The following SLC9A9 variants were observed in gnomAD, a reference collection of about 807,000 sequenced individuals.
The protein encoded by SLC9A9 is sodium/hydrogen exchanger 9.
SLC9A9 carries 62 observed loss-of-function variants against 77.8 expected under a neutral mutation model. That is an observed-to-expected ratio of 0.80 (90% CI 0.65 to 0.98). SLC9A9 has a LOEUF of 0.98. SLC9A9 is among the 50% of genes least tolerant of loss of function. The pLI is 0.00. For missense variants in SLC9A9, 775 were observed against 774.9 expected (o/e 1.00, Z 0.00); for synonymous variants, 320 against 283.5 (o/e 1.13, Z -1.29).
intron 5 of SLC9A9, among the ~76,000 whole-genome samples, chr3:143,664,814 G>A (rs1036115747): frequency 2.0e-5 from 3 of 152,182 alleles, no homozygotes; most frequent in Admixed American, 2.0e-4. Flanking sequence ...ACCCAATACA[G>A]GGGCACCCAG....
At chr3:143,759,098 G>C (rs907672332) in intron 4 of SLC9A9, among the ~76,000 whole-genome samples, 2 of 152,130 alleles carry the variant, frequency 1.3e-5, no homozygotes, top group African/African-American at 4.8e-5. Flanking sequence ...TAAATAACTT[G>C]TCTGAAGTCT....
intron 4 of SLC9A9, among the ~76,000 whole-genome samples, chr3:143,715,152 A>T (rs1005242122): frequency 2.6e-5 from 4 of 152,154 alleles, no homozygotes; most frequent in African/African-American, 4.8e-5. Flanking sequence ...GTCTTGGCTA[A>T]GTCTTTATCA....
intron 4 of SLC9A9, among the ~76,000 whole-genome samples, chr3:143,773,399 G>C (rs2007590884): frequency 6.6e-6 from 1 of 151,884 alleles, no homozygotes; most frequent in South Asian, 2.1e-4. Flanking sequence ...GAAAAAAATT[G>C]GGAAGCTATG....
intron 6 of SLC9A9, among the ~76,000 whole-genome samples, chr3:143,619,301 C>A (rs780307489): frequency 3.3e-5 from 5 of 152,130 alleles, no homozygotes; most frequent in Non-Finnish European, 7.3e-5. Flanking sequence ...ATGTTCTAAG[C>A]AGAGTAATTT....
intron 9 of SLC9A9, among the ~76,000 whole-genome samples, chr3:143,530,648 C>T (rs1455811205): frequency 6.8e-6 from 1 of 146,934 alleles, no homozygotes; most frequent in Non-Finnish European, 1.5e-5. Flanking sequence ...AAAAACAAAA[C>T]AAAACAAAAC....
intron 14 of SLC9A9, among the ~76,000 whole-genome samples, chr3:143,351,500 C>T (rs868456218): frequency 6.6e-5 from 10 of 152,158 alleles, no homozygotes; most frequent in Non-Finnish European, 1.3e-4. Context: ...TGGAGAGCAT[C>T]AACTTCTGTT....
chr3:143,391,304 G>A (rs557483842), intron 12 of SLC9A9, among the ~76,000 whole-genome samples: 16 of 152,366 alleles, frequency 1.1e-4, no homozygotes, highest in Non-Finnish European at 1.9e-4. Context: ...AATATTTGCT[G>A]TTCTGCAGCC....
rs566457096 is a variant in SLC9A9, at chr3:143,742,197, G to T, written c.534-48890C>A. Among the ~76,000 whole-genome samples the T allele has an allele frequency of 1.1e-4, 16 of 152,036 alleles. 1 individual carries two copies. Among genetic ancestry groups the T allele is most frequent in the African/African-American group, 3.9e-4 (16 of 41,494 alleles). On this transcript the variant is annotated intron_variant, in intron 4 of 15. Coordinates refer to ENST00000316549, the MANE Select transcript of SLC9A9 (RefSeq NM_173653.4). Reference sequence around the variant, plus strand: ...GGGGCCCTACCCAGGAACTGACTCAGCTCAAGAAGACAGTTCGAACTCCCT... The same window carrying T: ...GGGGCCCTACCCAGGAACTGACTCATCTCAAGAAGACAGTTCGAACTCCCT...
chr3:143,671,560 A>G (rs1467987201), intron 5 of SLC9A9, among the ~76,000 whole-genome samples: 1 of 152,220 alleles, frequency 6.6e-6, no homozygotes, highest in Non-Finnish European at 1.5e-5. Flanking sequence ...GAGTCAAACA[A>G]TATAAATCAA....
At chr3:143,325,713 C>T (rs2031574936) in intron 14 of SLC9A9, among the ~76,000 whole-genome samples, 1 of 152,226 alleles carries the variant, frequency 6.6e-6, no homozygotes, top group Admixed American at 6.5e-5. Flanking sequence ...CTTTGGACCT[C>T]ATGCTGGTCA....
chr3:143,495,735 T>C lies in SLC9A9; in HGVS notation c.1090-287A>G, dbSNP rs543786269. The stretch of plus-strand genomic sequence containing the variant: ...TTCCATGGAACAATTCCTACTAAGA[T>C]GACAAAATAGTCCCTGTAAAAGAAA... On this transcript the variant is annotated intron_variant, in intron 9 of 15. Coordinates refer to ENST00000316549, the MANE Select transcript of SLC9A9 (RefSeq NM_173653.4). 1.1e-4 allele frequency among the ~76,000 whole-genome samples: 17 copies of C among 152,290 alleles called. No homozygotes were observed. In the East Asian group the frequency reaches 3.1e-3, roughly 28 times the overall value.
At position 143,848,207 on chromosome 3, in the gene SLC9A9, C is replaced by T. The variant is rs1298420696; in HGVS notation, c.116G>A (p.Trp39Ter). 4.3e-6 allele frequency: 7 copies of T among 1,613,870 alleles called. No individual in the cohort carries two copies. The highest frequency in any genetic ancestry group is 5.9e-6 in the Non-Finnish European group (7 of 1,179,928). ...FLLILTILTI[W>*]LFKNHRFRFL... is the part of the protein sequence containing the mutation. The stretch of plus-strand genomic sequence containing the variant: ...GCGGAATCGATGATTTTTAAATAAC[C>T]AGATTGTCAAAATGGTAAGGATGAG... The change falls in exon 1 of 16, where the codon TGG (tryptophan) becomes TAG (stop). Residue 39 changes from tryptophan to a stop codon, truncating the protein, a stop_gained. Coordinates refer to ENST00000316549, the MANE Select transcript of SLC9A9 (RefSeq NM_173653.4). LOFTEE classifies it high-confidence loss of function.
chr3:143,641,269 A>C (rs550001588), intron 6 of SLC9A9, among the ~76,000 whole-genome samples: 157 of 152,126 alleles, frequency 1.0e-3, no homozygotes, highest in Non-Finnish European at 7.4e-5. Flanking sequence ...TTCCTAATAA[A>C]TAGGTATTTT....
At chr3:143,703,834 G>C (rs907868576) in intron 4 of SLC9A9, among the ~76,000 whole-genome samples, 1 of 151,980 alleles carries the variant, frequency 6.6e-6, no homozygotes, top group Non-Finnish European at 1.5e-5. Flanking sequence ...GAAAAAAAGA[G>C]AATGAAGACT....
intron 1 of SLC9A9, among the ~76,000 whole-genome samples, chr3:143,838,060 C>T (rs185171266): frequency 2.6e-5 from 4 of 152,222 alleles, no homozygotes; most frequent in Admixed American, 6.5e-5. Flanking sequence ...GTCTTTATTG[C>T]TTAATTCTGT....
At chr3:143,328,511 C>T (rs990098903) in intron 14 of SLC9A9, among the ~76,000 whole-genome samples, 2 of 152,110 alleles carry the variant, frequency 1.3e-5, no homozygotes, top group African/African-American at 4.8e-5. Flanking sequence ...CCTGGATAAC[C>T]CTAACTGTGT....
intron 14 of SLC9A9, among the ~76,000 whole-genome samples, chr3:143,353,273 G>A (rs774053790): frequency 4.6e-5 from 7 of 152,194 alleles, no homozygotes; most frequent in Admixed American, 3.3e-4. Flanking sequence ...TGGTCTGAAT[G>A]TTTGTGTCTC....
In SLC9A9 at chr3:143,832,206, A is replaced by G. The variant is rs750870718; in HGVS notation, c.191T>C (p.Leu64Pro). 6.2e-7 allele frequency: 1 copy of G among 1,612,016 alleles called. No homozygotes were observed. Among genetic ancestry groups the G allele is most frequent in the South Asian group, 1.1e-5 (1 of 90,964 alleles). ...TGGTGCTGTAGCATATCGTAAAATTAGTCCCATTATAAGGCCTAAAAAAAA... is the reference window on the plus strand; with the variant it reads ...TGGTGCTGTAGCATATCGTAAAATTGGTCCCATTATAAGGCCTAAAAAAAA... Reference protein sequence around the residue: ...GAMVYGLIMGLILRYATAPTD... With the variant: ...GAMVYGLIMGPILRYATAPTD... The change falls in exon 2 of 16, where the codon CTA (leucine) becomes CCA (proline). Residue 64 changes from leucine (L) to proline (P), a missense_variant. Transcript: ENST00000316549.
intron 4 of SLC9A9, among the ~76,000 whole-genome samples, chr3:143,794,687 T>C (rs568149002): frequency 6.4e-4 from 97 of 152,136 alleles, no homozygotes; most frequent in Non-Finnish European, 1.1e-3. Flanking sequence ...AAGAATGCAG[T>C]GAGCATATCG....
Sources: allele counts gnomAD v4.1 joint callset (sites outside exome capture counted in the v4.1 genomes callset), GRCh38; gene constraint gnomAD v4.1.1; transcripts MANE v1.5; gene names NCBI Gene and HGNC (gene_info 2026-07-23, HGNC 2026-07-21).